The following CERCAM variants were observed in gnomAD, a reference collection of about 807,000 sequenced individuals.
CERCAM encodes inactive glycosyltransferase 25 family member 3.
In CERCAM, 59 loss-of-function variants were observed where a neutral mutation model predicts 66.0. The ratio of observed to expected loss-of-function variants is 0.89; its 90% CI spans 0.73 to 1.11. The LOEUF is 1.11. Among genes scored for constraint, CERCAM ranks in the 50% most tolerant of loss-of-function variants. The pLI, the probability that CERCAM is intolerant of heterozygous loss-of-function variation, is 0.00. For synonymous variants in CERCAM, 318 were observed against 343.6 expected, an observed-to-expected ratio of 0.93 and a Z score of 0.83; for missense variants, 840 against 828.3, an observed-to-expected ratio of 1.01 and a Z score of -0.17.
At chr9:128,436,589 A>G (rs1246301407) in intron 12 of CERCAM, among the ~76,000 whole-genome samples, 5 of 151,882 alleles carry the variant, frequency 3.3e-5, no homozygotes, top group Non-Finnish European at 5.9e-5. Context: ...CATGTTGGCC[A>G]GGCTGGTTTT....
chr9:128,426,048 G>GC (rs1833838887), intron 5 of CERCAM, among the ~76,000 whole-genome samples: 1 of 151,000 alleles, frequency 6.6e-6, no homozygotes, highest in African/African-American at 2.4e-5. Flanking sequence ...CAAGTGATCT[G>GC]CCCCCGCAGC....
At chr9:128,431,662 T>C in intron 9 of CERCAM, 1 of 197,744 alleles carries the variant, frequency 5.1e-6, no homozygotes, top group Non-Finnish European at 1.0e-5. Flanking sequence ...GGGAGAGGTA[T>C]GGGCCACTTT....
chr9:128,421,871 AGTTT>A (rs1833718345), intron 1 of CERCAM: 1 of 152,112 alleles, frequency 6.6e-6, no homozygotes, highest in Non-Finnish European at 1.5e-5. Flanking sequence ...ACAGTTTGGG[AGTTT>A]GTTAGTTCCC....
At chr9:128,430,988 A>G in intron 8 of CERCAM, 183 bp from the exon 9 acceptor site, 1 of 680,294 alleles carries the variant, frequency 1.5e-6, no homozygotes, top group Non-Finnish European at 2.4e-6. Context: ...CAGCCTGGGC[A>G]ACAGGGGCTC....
chr9:128,420,225 G>A (rs924528795), upstream of CERCAM: 13 of 152,350 alleles, frequency 8.5e-5, no homozygotes, highest in African/African-American at 3.1e-4. The surrounding 1 kb of genome is among the most constrained non-coding windows in gnomAD (Gnocchi z 5.0). Flanking sequence ...GACGCAAGGA[G>A]GTGACGCACA....
In CERCAM at chr9:128,424,299, G is replaced by A. The variant is rs368431830; in HGVS notation, c.561+27G>A. ...TGAGGCCGGGATGGGGGCCTTGGGTGGACTGAGGTCCTGGAAGGAGGGACG... is the reference window on the plus strand; with the variant it reads ...TGAGGCCGGGATGGGGGCCTTGGGTAGACTGAGGTCCTGGAAGGAGGGACG... On this transcript the variant is annotated intron_variant, in intron 4 of 12. Transcript: ENST00000372838. 41 of 1,613,238 alleles carry A rather than the reference G, an allele frequency of 2.5e-5. 1 individual carries two copies. The South Asian group carries it at 4.1e-4, about 16-fold the overall frequency.
intron 5 of CERCAM, among the ~76,000 whole-genome samples, chr9:128,425,815 C>CTTTTT (rs75397129): frequency 4.7e-5 from 5 of 107,446 alleles, no homozygotes; most frequent in Non-Finnish European, 7.1e-5. Context: ...CCAGCCCAGC[C>CTTTTT]TTTTTTTTTT....
In CERCAM at chr9:128,424,537, C is replaced by A. The variant is rs1833793193; in HGVS notation, c.689C>A (p.Ala230Asp). ...CGGGCTGAAGGGGCAGACCAGCTTG[C>A]TTTCTACCCGCCACATCCCAACTAC... ...SLRAEGADQLAFYPPHPNYTW... is the reference protein window; with the variant it reads ...SLRAEGADQLDFYPPHPNYTW... The change falls in exon 5 of 13, where the codon GCT becomes GAT. Residue 230 changes from alanine to aspartate, a missense_variant. Coordinates refer to ENST00000372838, the MANE Select transcript of CERCAM (RefSeq NM_016174.5). The A allele has an allele frequency of 6.2e-7, 1 of 1,613,954 alleles. No individual in the cohort carries two copies. The highest frequency in any genetic ancestry group is 8.5e-7 in the Non-Finnish European group (1 of 1,180,008).
chr9:128,436,604 T>G (rs1195509214), intron 12 of CERCAM, among the ~76,000 whole-genome samples: 8 of 152,094 alleles, frequency 5.3e-5, no homozygotes, highest in Non-Finnish European at 8.8e-5. Context: ...GGTTTTCAAC[T>G]CCTGACCTCA....
intron 1 of CERCAM, 36 bp from the exon 2 acceptor site, chr9:128,422,832 C>T: frequency 6.2e-7 from 1 of 1,610,090 alleles, no homozygotes; most frequent in Non-Finnish European, 8.5e-7. Context: ...AATCCTGTGG[C>T]TGTGCCCCCT....
At position 128,435,653 on chromosome 9, in the gene CERCAM, C is replaced by T. The variant is rs777684935; in HGVS notation, c.1536C>T (p.Asn512=). Residue 512 remains asparagine (N), a splice_region_variant and synonymous_variant, in exon 12 of 13, where the codon AAC becomes AAT. Transcript: ENST00000372838. ...CCTGAGCTATCCTCTCACCTTACAG[C>T]GAGCAGTACAAGGCACACTTCTGGC... ...FLPIMFDQHP[N]EQYKAHFWPR... 13 of 1,600,442 alleles carry T rather than the reference C, an allele frequency of 8.1e-6. No individual in the cohort carries two copies. Among genetic ancestry groups the T allele is most frequent in the Admixed American group, 5.1e-5 (3 of 59,226 alleles).
rs75941336 is a variant in CERCAM at position 128,428,216 on chromosome 9, A to T, written c.767-86A>T. 324 of 1,477,886 alleles carry T rather than the reference A, an allele frequency of 2.2e-4. No individual in the cohort carries two copies. In the African/African-American group the frequency reaches 4.2e-3, roughly 19 times the overall value. The allele number at this position is 1,477,886 out of a possible 1,614,324, so 91.5% of individuals were successfully genotyped here. A position where few individuals can be genotyped will look rare whatever the true frequency, so the allele number is the denominator to read the frequency against. Reference sequence around the variant, plus strand: ...CCAGAGAAGACTGACATGTTGGGTCACTGGCAGTGCTGGGCCTAGGACCTT... The same window carrying T: ...CCAGAGAAGACTGACATGTTGGGTCTCTGGCAGTGCTGGGCCTAGGACCTT... On this transcript the variant is annotated intron_variant, in intron 5 of 12. Coordinates refer to ENST00000372838, the MANE Select transcript of CERCAM (RefSeq NM_016174.5).
Position 128,422,946 on chromosome 9 carries a change from T to C in CERCAM, c.276T>C (p.Ala92=). 6.2e-7 allele frequency: 1 copy of C among 1,613,802 alleles called. No homozygotes were observed. The highest frequency in any genetic ancestry group is 1.1e-5 in the South Asian group (1 of 91,060). ...TGGCGGCTGTGGGCGATGACTATGC[T>C]GCTGTGGTCTGGAGGCCTGAGGGCG... The part of the protein sequence containing the change: ...EWLAAVGDDY[A]AVVWRPEGEP... Residue 92 remains alanine (A), a synonymous_variant, in exon 2 of 13, where the codon GCT becomes GCC. Transcript: ENST00000372838.
rs944982333 is a variant in CERCAM, at chr9:128,435,708, C to G, written c.1591C>G (p.Pro531Ala). Reference protein sequence around the residue: ...PRDLVAFSAQPLLAAPTHYAG... With the variant: ...PRDLVAFSAQALLAAPTHYAG... ...GGACCTGGTGGCCTTCTCCGCCCAG[C>G]CCCTGCTCGCTGCCCCTACCCACTA... The change falls in exon 12 of 13, where the codon CCC becomes GCC. Residue 531 changes from proline (P) to alanine (A), a missense_variant. Pro to Ala is a conservative substitution (Grantham distance 27). Transcript: ENST00000372838. 1 of 1,613,590 alleles carries G rather than the reference C, an allele frequency of 6.2e-7. No individual in the cohort carries two copies. The highest frequency in any genetic ancestry group is 2.2e-5 in the East Asian group (1 of 44,892).
intron 6 of CERCAM, 37 bp from the exon 7 acceptor site, chr9:128,428,720 G>A: frequency 6.2e-7 from 1 of 1,608,514 alleles, no homozygotes; most frequent in Non-Finnish European, 8.5e-7. Context: ...ACAGGAGTCA[G>A]TAGGGACTCG....
At chr9:128,424,047 C>A in intron 3 of CERCAM, 91 bp from the exon 4 acceptor site, 1 of 1,428,094 alleles carries the variant, frequency 7.0e-7, no homozygotes, top group Non-Finnish European at 9.5e-7. Context: ...TCCTAGGAGC[C>A]ACGCTGGGTC....
chr9:128,423,917 A>T (rs1833773572), intron 3 of CERCAM: 2 of 545,622 alleles, frequency 3.7e-6, no homozygotes, highest in Non-Finnish European at 6.4e-6. Flanking sequence ...AAGGTCTTAG[A>T]TCAGTAACTC....
rs1303531697 is a variant in CERCAM at position 128,434,603 on chromosome 9, C to G, written c.1525C>G (p.Gln509Glu). The G allele has an allele frequency of 6.2e-7, 1 of 1,602,546 alleles. No individual in the cohort carries two copies. Among genetic ancestry groups the G allele is most frequent in the Admixed American group, 1.7e-5 (1 of 59,752 alleles). ...CGAGTTCCTGCCCATCATGTTCGAC[C>G]AGCACCCCAAGTGAGGCTCTGATGG... Reference protein sequence around the residue: ...VDEFLPIMFDQHPNEQYKAHF... With the variant: ...VDEFLPIMFDEHPNEQYKAHF... The change falls in exon 11 of 13, where the codon CAG (glutamine) becomes GAG (glutamate). Residue 509 changes from glutamine (Q) to glutamate (E), a missense_variant. Coordinates refer to ENST00000372838, the MANE Select transcript of CERCAM (RefSeq NM_016174.5). This position sits in a 1 kb window ranked among gnomAD's most constrained non-coding sequence, Gnocchi z 4.5.
rs571686461 is a variant in CERCAM at position 128,434,499 on chromosome 9, C to T, written c.1421C>T (p.Thr474Met). ...GLVVAGYSYW[T>M]LAYALRLAGA... Reference sequence around the variant, plus strand: ...GTGGTGGCTGGGTACTCCTACTGGACGCTGGCCTATGCCCTGCGTCTGGCG... The same window carrying T: ...GTGGTGGCTGGGTACTCCTACTGGATGCTGGCCTATGCCCTGCGTCTGGCG... The change falls in exon 11 of 13, where the codon ACG becomes ATG. Residue 474 changes from threonine to methionine, a missense_variant. Physicochemically the swap from Thr to Met is moderately conservative, Grantham distance 81. Coordinates refer to ENST00000372838, the MANE Select transcript of CERCAM (RefSeq NM_016174.5). This position sits in a 1 kb window ranked among gnomAD's most constrained non-coding sequence, Gnocchi z 4.5. The T allele has an allele frequency of 1.4e-5, 23 of 1,613,688 alleles. No homozygotes were observed. The highest frequency in any genetic ancestry group is 7.7e-5 in the South Asian group (7 of 91,080).
Sources: allele counts gnomAD v4.1 joint callset (sites outside exome capture counted in the v4.1 genomes callset), GRCh38; gene constraint gnomAD v4.1.1; non-coding constraint Gnocchi (gnomAD v3.1); transcripts MANE v1.5; gene names NCBI Gene and HGNC (gene_info 2026-07-23, HGNC 2026-07-21).